PTPRD: variants seen among roughly 807,000 people sequenced by gnomAD.
The protein encoded by PTPRD is protein tyrosine phosphatase receptor type D.
PTPRD carries 34 observed loss-of-function variants against 214.5 expected under a neutral mutation model. The ratio of observed to expected loss-of-function variants is 0.16; its 90% CI spans 0.12 to 0.21. The LOEUF is 0.21. PTPRD is among the 10% of genes least tolerant of loss of function. The pLI is 1.00. For synonymous variants in PTPRD, 1,128 were observed against 845.7 expected, an observed-to-expected ratio of 1.33 and a Z score of -5.79; for missense variants, 2,545 against 2,398.7, an observed-to-expected ratio of 1.06 and a Z score of -1.27.
intron 10 of PTPRD, among the ~76,000 whole-genome samples, chr9:9,019,351 A>C: frequency 7.1e-6 from 1 of 140,744 alleles, no homozygotes; most frequent in Admixed American, 7.1e-5. Flanking sequence ...AAAGAAAGAA[A>C]GAAAGAAAGA....
intron 9 of PTPRD, among the ~76,000 whole-genome samples, chr9:9,365,776 C>G (rs538408709): frequency 6.6e-6 from 1 of 151,420 alleles, no homozygotes; most frequent in Non-Finnish European, 1.5e-5. Flanking sequence ...CTATGGGTCT[C>G]TCAAACAGAC....
At chr9:10,019,782 TG>T (rs1278578966) in intron 4 of PTPRD, among the ~76,000 whole-genome samples, 9 of 81,156 alleles carry the variant, frequency 1.1e-4, no homozygotes, top group Middle Eastern at 8.8e-3. Context: ...TGTTGTGGGG[TG>T]GGGGGGAGCT....
intron 5 of PTPRD, among the ~76,000 whole-genome samples, chr9:9,919,523 G>C (rs906117338): frequency 2.6e-5 from 4 of 152,100 alleles, no homozygotes; most frequent in Non-Finnish European, 4.4e-5. Flanking sequence ...TTCAAATGAA[G>C]TACACTTAAG....
chr9:10,090,278 T>C (rs941398376), intron 3 of PTPRD, among the ~76,000 whole-genome samples: 3 of 151,670 alleles, frequency 2.0e-5, no homozygotes, highest in Admixed American at 6.6e-5. Flanking sequence ...CATTCTACTA[T>C]CAAGAACCTG....
At chr9:10,429,726 G>C (rs2098659372) in intron 2 of PTPRD, among the ~76,000 whole-genome samples, 1 of 150,720 alleles carries the variant, frequency 6.6e-6, no homozygotes, top group African/African-American at 2.4e-5. Context: ...AGATAATGAA[G>C]ACTCAGGGGG....
At chr9:10,325,819 A>T (rs946675466) in intron 3 of PTPRD, among the ~76,000 whole-genome samples, 6 of 151,892 alleles carry the variant, frequency 4.0e-5, no homozygotes, top group African/African-American at 1.4e-4. Flanking sequence ...TTAAAAATTG[A>T]TTTTGGATAG....
At chr9:10,074,689 T>C (rs998738268) in intron 3 of PTPRD, among the ~76,000 whole-genome samples, 6 of 152,132 alleles carry the variant, frequency 3.9e-5, no homozygotes, top group African/African-American at 1.4e-4. Flanking sequence ...AGCTCTGATT[T>C]AGAGGAAAGA....
chr9:10,029,691 G>A (rs7022669), intron 4 of PTPRD, among the ~76,000 whole-genome samples: 1 of 152,018 alleles, frequency 6.6e-6, no homozygotes, highest in Admixed American at 6.5e-5. Flanking sequence ...ATTTGCTTTT[G>A]ATTTTACAGG....
At chr9:9,735,589 A>G (rs1286138517) in intron 6 of PTPRD, among the ~76,000 whole-genome samples, 1 of 152,066 alleles carries the variant, frequency 6.6e-6, no homozygotes, top group African/African-American at 2.4e-5. Flanking sequence ...TGGACCACTA[A>G]TTGGTAACAA....
In PTPRD at chr9:10,306,211, G is replaced by T. The variant is rs1018192598; in HGVS notation, c.-545+34752C>A. Among the ~76,000 whole-genome samples the T allele has an allele frequency of 4.1e-4, 59 of 143,510 alleles. 1 individual carries two copies. The highest frequency in any genetic ancestry group is 1.4e-3 in the African/African-American group (57 of 39,438). The allele number at this position is 143,510 out of a possible 152,430, so 94.1% of individuals were successfully genotyped here. ...ACCGCATGTTCCCACTCATAAGTGG[G>T]AGTTGAACAATGAGAACACATGGAC... On this transcript the variant is annotated intron_variant, in intron 3 of 45. Transcript: ENST00000381196.
chr9:10,571,086 T>C (rs184659095), intron 2 of PTPRD, among the ~76,000 whole-genome samples: 2 of 152,176 alleles, frequency 1.3e-5, no homozygotes, highest in Non-Finnish European at 2.9e-5. Flanking sequence ...AAGTATTTTT[T>C]AAAATATGAA....
chr9:8,819,006 T>G (rs369315810), intron 11 of PTPRD, among the ~76,000 whole-genome samples: 1 of 152,346 alleles, frequency 6.6e-6, no homozygotes, highest in East Asian at 1.9e-4. Context: ...ACTACTGGGT[T>G]AAATACAAAA....
chr9:8,963,967 G>C (rs1159938367), intron 11 of PTPRD, among the ~76,000 whole-genome samples: 2 of 151,878 alleles, frequency 1.3e-5, no homozygotes, highest in African/African-American at 4.8e-5. Flanking sequence ...TTTTGTTGAG[G>C]ATTTTTGTGT....
chr9:9,536,654 A>G (rs2076574941), intron 8 of PTPRD, among the ~76,000 whole-genome samples: 1 of 152,144 alleles, frequency 6.6e-6, no homozygotes, highest in African/African-American at 2.4e-5. Context: ...CGCCGTCATC[A>G]TTTTGGCATT....
At chr9:9,950,846 A>C (rs1182828414) in intron 4 of PTPRD, among the ~76,000 whole-genome samples, 1 of 151,014 alleles carries the variant, frequency 6.6e-6, no homozygotes, top group South Asian at 2.1e-4. Flanking sequence ...TCCTTCCCTC[A>C]TTCCTATTAC....
chr9:10,468,403 G>T (rs186212294), intron 2 of PTPRD, among the ~76,000 whole-genome samples: 22 of 152,232 alleles, frequency 1.4e-4, no homozygotes, highest in Non-Finnish European at 3.1e-4. Context: ...CACAGGAATA[G>T]AAAACCAAAC....
At chr9:9,790,965 T>C (rs1265721875) in intron 5 of PTPRD, among the ~76,000 whole-genome samples, 2 of 152,196 alleles carry the variant, frequency 1.3e-5, no homozygotes, top group Admixed American at 6.5e-5. Context: ...GGAAGACAGA[T>C]GGTTCAGTAC....
intron 2 of PTPRD, among the ~76,000 whole-genome samples, chr9:10,463,854 A>C (rs1465153254): frequency 2.0e-5 from 3 of 152,194 alleles, no homozygotes; most frequent in Non-Finnish European, 2.9e-5. Flanking sequence ...AAATGATTTC[A>C]GATCTGTGAA....
Position 8,315,770 on chromosome 9 carries a change from A to G in PTPRD, c.*2104T>C, listed in dbSNP as rs984866759. 4.4e-6 allele frequency: 1 copy of G among 228,710 alleles called. No homozygotes were observed. The highest frequency in any genetic ancestry group is 8.7e-6 in the Non-Finnish European group (1 of 115,174). The allele number at this position is 228,710 out of a possible 1,614,324, so 14.2% of individuals were successfully genotyped here. ...GGAAAACAAAAATCCTTCCATGCAG[A>G]ACATCCATGAAGCTAAAATTAAACC... On this transcript the variant is annotated 3_prime_UTR_variant, in exon 46 of 46. Transcript: ENST00000381196.
Sources: allele counts gnomAD v4.1 joint callset (sites outside exome capture counted in the v4.1 genomes callset), GRCh38; gene constraint gnomAD v4.1.1; transcripts MANE v1.5; gene names NCBI Gene and HGNC (gene_info 2026-07-23, HGNC 2026-07-21).